TSNARE1: variants seen among roughly 807,000 people sequenced by gnomAD.
TSNARE1 encodes the protein t-SNARE domain-containing protein 1.
A neutral mutation model predicts 62.0 loss-of-function variants in TSNARE1; 49 were observed. The observed-to-expected ratio is 0.79, with a 90% CI of 0.63 to 1.00. The LOEUF is 1.00. Among genes scored for constraint, TSNARE1 ranks in the 50% least tolerant of loss-of-function variants. TSNARE1 has a pLI of 0.00. For synonymous variants in TSNARE1, 328 were observed against 294.4 expected (o/e 1.11, Z -1.17); for missense variants, 755 against 700.1 (o/e 1.08, Z -0.88).
At chr8:142,307,455 C>T (rs557669157) in intron 9 of TSNARE1, among the ~76,000 whole-genome samples, 3 of 152,272 alleles carry the variant, frequency 2.0e-5, no homozygotes, top group Admixed American at 1.3e-4. Flanking sequence ...TCTGTGGGTG[C>T]GCAAGTCCCT....
chr8:142,282,756 G>A, intron 11 of TSNARE1, among the ~76,000 whole-genome samples: 1 of 146,630 alleles, frequency 6.8e-6, no homozygotes, highest in East Asian at 2.0e-4. Flanking sequence ...GGCAAAGGCG[G>A]GGTCAGTGTC....
intron 4 of TSNARE1, 100 bp from the exon 5 acceptor site, chr8:142,331,931 C>G (rs556917609): frequency 8.4e-7 from 1 of 1,195,976 alleles, no homozygotes; most frequent in South Asian, 1.3e-5. Context: ...GGCAGGGACC[C>G]GACAGGCAGC....
chr8:142,315,242 G>A (rs1468777387), intron 7 of TSNARE1, 150 bp from the exon 8 acceptor site: 17 of 765,838 alleles, frequency 2.2e-5, no homozygotes, highest in East Asian at 5.4e-5. Flanking sequence ...TGTCACCGTC[G>A]TCTCCACAGG....
chr8:142,305,661 C>T (rs745818877), intron 9 of TSNARE1, among the ~76,000 whole-genome samples: 48 of 152,302 alleles, frequency 3.2e-4, no homozygotes, highest in South Asian at 6.2e-4. Context: ...GCTCACAAAG[C>T]GCTCCTTTAT....
intron 1 of TSNARE1, among the ~76,000 whole-genome samples, chr8:142,359,056 T>TCCCC (rs1834962281): frequency 6.6e-6 from 1 of 152,030 alleles, no homozygotes; most frequent in Non-Finnish European, 1.5e-5. Flanking sequence ...TCTGCCTGTT[T>TCCCC]CACCCAGGCT....
intron 12 of TSNARE1, among the ~76,000 whole-genome samples, chr8:142,258,089 T>C (rs1406866720): frequency 6.6e-6 from 1 of 152,002 alleles, no homozygotes; most frequent in Non-Finnish European, 1.5e-5. Flanking sequence ...TGCACACACG[T>C]ACACACCTGC....
At chr8:142,222,555 C>CTCATCCACTAAT (rs140382751) in intron 13 of TSNARE1, among the ~76,000 whole-genome samples, 1 of 60,768 alleles carries the variant, frequency 1.6e-5, no homozygotes, top group African/African-American at 9.1e-5. Context: ...CACTCACTCA[C>CTCATCCACTAAT]TCACTCATTC....
At chr8:142,311,160 G>GT (rs754868075) in intron 9 of TSNARE1, among the ~76,000 whole-genome samples, 3,017 of 140,886 alleles carry the variant, frequency 0.021, 34 homozygotes, top group Non-Finnish European at 0.027. Flanking sequence ...AAGGGTGGTT[G>GT]TTTTTTTTTT....
chr8:142,284,481 T>C lies in TSNARE1; in HGVS notation c.1295A>G (p.Asn432Ser), dbSNP rs753219754. The C allele has an allele frequency of 3.1e-6, 5 of 1,613,604 alleles. No homozygotes were observed. The highest frequency in any genetic ancestry group is 1.1e-5 in the South Asian group (1 of 91,062). Residue 432 changes from asparagine to serine, a missense_variant, in exon 11 of 14, where the codon AAC (asparagine) becomes AGC (serine). Asn to Ser is a conservative substitution (Grantham distance 46, BLOSUM62 1). Coordinates refer to ENST00000524325, the MANE Select transcript of TSNARE1 (RefSeq NM_145003.5). ...REEAILQMES[N>S]LLDVNQIIKD... is the part of the protein sequence containing the mutation. ...GATGATCTGATTCACATCCAGCAAGTTGCTCTGTGGAAACAACATAGAACC... is the reference window on the plus strand; with the variant it reads ...GATGATCTGATTCACATCCAGCAAGCTGCTCTGTGGAAACAACATAGAACC...
At chr8:142,348,047 T>C (rs532414970) in intron 2 of TSNARE1, among the ~76,000 whole-genome samples, 2 of 152,324 alleles carry the variant, frequency 1.3e-5, no homozygotes, top group South Asian at 2.1e-4. Context: ...CCTGGGACAT[T>C]TGCTGTTTGC....
At chr8:142,307,858 C>T (rs564040051) in intron 9 of TSNARE1, among the ~76,000 whole-genome samples, 8 of 152,310 alleles carry the variant, frequency 5.3e-5, no homozygotes, top group East Asian at 1.9e-4. Context: ...AGAGTGCAAC[C>T]GCCTGCACGC....
intron 13 of TSNARE1, among the ~76,000 whole-genome samples, chr8:142,227,423 C>A (rs377071836): frequency 9.9e-4 from 69 of 69,552 alleles, no homozygotes; most frequent in African/African-American, 2.2e-3. Flanking sequence ...CCCAACCTGC[C>A]CACAACCCCA....
chr8:142,217,344 AAAGAAAG>A (rs1815914635), intron 13 of TSNARE1, among the ~76,000 whole-genome samples: 1 of 116,074 alleles, frequency 8.6e-6, no homozygotes, highest in South Asian at 2.9e-4. Context: ...AGAAAGAAAG[AAAGAAAG>A]AAAGAAAGAA....
At chr8:142,379,347 G>A (rs1047906559) in intron 1 of TSNARE1, among the ~76,000 whole-genome samples, 2 of 152,226 alleles carry the variant, frequency 1.3e-5, no homozygotes, top group Non-Finnish European at 2.9e-5. Context: ...CCAGTGAGCA[G>A]CAGCTCTGCA....
At chr8:142,395,118 G>C (rs1837808359) in intron 1 of TSNARE1, among the ~76,000 whole-genome samples, 1 of 152,126 alleles carries the variant, frequency 6.6e-6, no homozygotes, top group South Asian at 2.1e-4. Flanking sequence ...AGGCTGAGCG[G>C]CCTAAAGGTG....
chr8:142,403,630 T>A (rs550740895), upstream of TSNARE1: 2 of 152,104 alleles, frequency 1.3e-5, no homozygotes, highest in Non-Finnish European at 2.9e-5. Flanking sequence ...CAAGTCAGGC[T>A]GCACGGGCTC....
At chr8:142,280,969 C>T (rs1170669221) in intron 11 of TSNARE1, among the ~76,000 whole-genome samples, 2 of 152,196 alleles carry the variant, frequency 1.3e-5, no homozygotes, top group Non-Finnish European at 2.9e-5. Context: ...AGCCCCGCCC[C>T]AGGGAGCAGC....
chr8:142,269,046 C>G (rs926792666), intron 12 of TSNARE1, among the ~76,000 whole-genome samples: 1 of 152,246 alleles, frequency 6.6e-6, no homozygotes, highest in South Asian at 2.1e-4. Flanking sequence ...CTGTAGCACA[C>G]GCTAAGCTCT....
At chr8:142,245,612 A>G (rs909794235) in intron 12 of TSNARE1, among the ~76,000 whole-genome samples, 2 of 152,230 alleles carry the variant, frequency 1.3e-5, no homozygotes, top group African/African-American at 2.4e-5. Flanking sequence ...AAATAAGCAA[A>G]ACCAAACAAT....
Sources: gnomAD v4.1 joint callset for allele counts (sites outside exome capture counted in the v4.1 genomes callset) on GRCh38, gnomAD v4.1.1 for gene constraint, MANE v1.5 for transcripts, NCBI Gene and HGNC (gene_info 2026-07-23, HGNC 2026-07-21) for gene names.